ZNF407: variants seen among roughly 807,000 people sequenced by gnomAD.
The protein encoded by ZNF407 is zinc finger protein 407.
ZNF407 carries 17 observed loss-of-function variants against 131.2 expected under a neutral mutation model. That is an observed-to-expected ratio of 0.13 (90% CI 0.09 to 0.19). ZNF407 has a LOEUF of 0.19. Ranked by LOEUF, ZNF407 falls within the 10% of genes least tolerant of loss-of-function variation. The pLI, the probability that ZNF407 is intolerant of heterozygous loss-of-function variation, is 1.00. For synonymous variants in ZNF407, 1,156 were observed against 1,062.0 expected, an observed-to-expected ratio of 1.09 and a Z score of -1.72; for missense variants, 2,681 against 2,830.6, an observed-to-expected ratio of 0.95 and a Z score of 1.20.
chr18:74,651,391 G>A (rs1334734301), intron 3 of ZNF407, among the ~76,000 whole-genome samples: 1 of 152,102 alleles, frequency 6.6e-6, no homozygotes, highest in Non-Finnish European at 1.5e-5. Flanking sequence ...CATCTATTGT[G>A]TACTTGTTAA....
intron 8 of ZNF407, among the ~76,000 whole-genome samples, chr18:74,955,432 G>A (rs969184664): frequency 1.4e-4 from 22 of 152,148 alleles, no homozygotes; most frequent in African/African-American, 5.3e-4. Context: ...AGCATTTAAG[G>A]ATGAGCCAGT....
intron 3 of ZNF407, among the ~76,000 whole-genome samples, chr18:74,710,707 T>A (rs1967738653): frequency 6.6e-6 from 1 of 152,224 alleles, no homozygotes; most frequent in African/African-American, 2.4e-5. Flanking sequence ...TGCTTTTTTT[T>A]CTTTAAAAAC....
chr18:75,018,943 A>G (rs1489579806), intron 8 of ZNF407, among the ~76,000 whole-genome samples: 1 of 152,106 alleles, frequency 6.6e-6, no homozygotes, highest in Non-Finnish European at 1.5e-5. Flanking sequence ...ATTTTCTATT[A>G]CCAGTTTCAT....
intron 3 of ZNF407, among the ~76,000 whole-genome samples, chr18:74,644,861 G>T (rs1303449580): frequency 1.3e-5 from 2 of 151,528 alleles, no homozygotes; most frequent in Non-Finnish European, 3.0e-5. Flanking sequence ...CCTGACTTTA[G>T]TTTGTACTTT....
chr18:74,765,563 T>C (rs1969209797), intron 3 of ZNF407, among the ~76,000 whole-genome samples: 1 of 152,252 alleles, frequency 6.6e-6, no homozygotes, highest in Non-Finnish European at 1.5e-5. Flanking sequence ...CTCTCAAGTC[T>C]GGCTGATGGG....
chr18:74,832,812 T>TA (rs1300234750), intron 4 of ZNF407, among the ~76,000 whole-genome samples: 1 of 152,236 alleles, frequency 6.6e-6, no homozygotes, highest in African/African-American at 2.4e-5. Context: ...GCAACACACA[T>TA]ACTACATTTT....
chr18:74,700,806 G>A (rs1051426808), intron 3 of ZNF407, among the ~76,000 whole-genome samples: 2 of 152,096 alleles, frequency 1.3e-5, no homozygotes. Flanking sequence ...GTACTGGTTT[G>A]CTTCTGGAAC....
chr18:74,826,853 A>G (rs1970416947), intron 4 of ZNF407, among the ~76,000 whole-genome samples: 1 of 152,248 alleles, frequency 6.6e-6, no homozygotes, highest in Non-Finnish European at 1.5e-5. Context: ...GGAACAGGGC[A>G]GACAAGATCA....
chr18:74,641,428 A>G (rs1282771153), intron 3 of ZNF407, among the ~76,000 whole-genome samples: 2 of 152,210 alleles, frequency 1.3e-5, no homozygotes, highest in African/African-American at 4.8e-5. Context: ...ATTTAAAGAC[A>G]TACAAAAATA....
chr18:74,980,872 G>C (rs1313712839), intron 8 of ZNF407, among the ~76,000 whole-genome samples: 1 of 152,174 alleles, frequency 6.6e-6, no homozygotes, highest in Non-Finnish European at 1.5e-5. Flanking sequence ...GCCACTTGGA[G>C]AGGAGCCCGG....
intron 3 of ZNF407, among the ~76,000 whole-genome samples, chr18:74,659,143 A>G (rs1471521291): frequency 6.6e-6 from 1 of 152,086 alleles, no homozygotes; most frequent in Non-Finnish European, 1.5e-5. Context: ...TTGCTTTCTG[A>G]TTTCATAATA....
intron 3 of ZNF407, among the ~76,000 whole-genome samples, chr18:74,645,603 C>G (rs1357933089): frequency 6.6e-6 from 1 of 150,448 alleles, no homozygotes; most frequent in Non-Finnish European, 1.5e-5. Context: ...TTTAAGAAAT[C>G]TTAAATAGAA....
At chr18:74,756,920 C>G (rs1188470475) in intron 3 of ZNF407, among the ~76,000 whole-genome samples, 7 of 151,840 alleles carry the variant, frequency 4.6e-5, no homozygotes, top group African/African-American at 1.7e-4. Flanking sequence ...TTCTTTTTAC[C>G]TTTGTAAGGT....
intron 3 of ZNF407, among the ~76,000 whole-genome samples, chr18:74,649,034 G>C (rs1306098660): frequency 2.6e-5 from 4 of 152,184 alleles, no homozygotes; most frequent in African/African-American, 9.6e-5. Context: ...CTTAGCATTA[G>C]TATACCAAAG....
chr18:74,822,780 A>G (rs1970358585), intron 4 of ZNF407, among the ~76,000 whole-genome samples: 1 of 152,182 alleles, frequency 6.6e-6, no homozygotes, highest in African/African-American at 2.4e-5. Flanking sequence ...AGTTTAAAGT[A>G]GTTTTTTTTC....
At chr18:74,758,507 C>G (rs1174175975) in intron 3 of ZNF407, among the ~76,000 whole-genome samples, 1 of 152,050 alleles carries the variant, frequency 6.6e-6, no homozygotes, top group African/African-American at 2.4e-5. Flanking sequence ...CTTTTATATC[C>G]ATCAATACAA....
intron 7 of ZNF407, among the ~76,000 whole-genome samples, chr18:74,904,301 G>A (rs1015712252): frequency 1.3e-5 from 2 of 152,148 alleles, no homozygotes; most frequent in South Asian, 2.1e-4. Context: ...TGTTTCTCAC[G>A]CACTTTCTCT....
At chr18:74,880,200 C>T (rs1275582429) in intron 5 of ZNF407, among the ~76,000 whole-genome samples, 1 of 152,116 alleles carries the variant, frequency 6.6e-6, no homozygotes, top group Non-Finnish European at 1.5e-5. Context: ...CACTTACTGC[C>T]TGAATATGCT....
At chr18:74,914,431 C>G (rs924220389) in intron 7 of ZNF407, among the ~76,000 whole-genome samples, 6 of 152,158 alleles carry the variant, frequency 3.9e-5, no homozygotes, top group Non-Finnish European at 1.5e-5. Flanking sequence ...GCTCACCTTT[C>G]CCCTCCGTCA....
Sources: gnomAD v4.1 joint callset for allele counts (sites outside exome capture counted in the v4.1 genomes callset) on GRCh38, gnomAD v4.1.1 for gene constraint, MANE v1.5 for transcripts, NCBI Gene and HGNC (gene_info 2026-07-23, HGNC 2026-07-21) for gene names.